The following ALCAM variants were observed in gnomAD, a reference collection of about 807,000 sequenced individuals.
ALCAM encodes the protein activated leukocyte cell adhesion molecule, also known as CD166 antigen.
A neutral mutation model predicts 70.9 loss-of-function variants in ALCAM; 30 were observed. The ratio of observed to expected loss-of-function variants is 0.42; its 90% CI spans 0.32 to 0.57. ALCAM has a LOEUF of 0.57. Among genes scored for constraint, ALCAM ranks in the 20% least tolerant of loss-of-function variants. The pLI is 0.11. For missense variants in ALCAM, 591 were observed against 695.1 expected, an observed-to-expected ratio of 0.85 and a Z score of 1.68; for synonymous variants, 249 against 242.5, an observed-to-expected ratio of 1.03 and a Z score of -0.25.
chr3:105,521,471 G>A (rs1010151922), intron 2 of ALCAM, among the ~76,000 whole-genome samples: 1 of 152,118 alleles, frequency 6.6e-6, no homozygotes, highest in Non-Finnish European at 1.5e-5. Flanking sequence ...CAAACATTCT[G>A]CAGAACACAC....
chr3:105,453,586 A>G (rs777519493), intron 1 of ALCAM, among the ~76,000 whole-genome samples: 1 of 152,152 alleles, frequency 6.6e-6, no homozygotes, highest in Non-Finnish European at 1.5e-5. Context: ...GAAATTTAAA[A>G]TAGTTTTTTC....
chr3:105,377,687 G>A lies in ALCAM; in HGVS notation c.73+10206G>A, dbSNP rs1057028327. ...ATGGGAAAAGACAGGTATTTACCAT[G>A]AATTTTTATTATTGTTCTTTCTACA... is the stretch of plus-strand genomic sequence containing the variant. On this transcript the variant is annotated intron_variant, in intron 1 of 15. Transcript: ENST00000306107. Among the ~76,000 whole-genome samples, 9 of 152,098 alleles carry A rather than the reference G, an allele frequency of 5.9e-5. No homozygotes were observed. In the East Asian group the frequency reaches 1.5e-3, roughly 26 times the overall value.
chr3:105,397,395 C>G (rs896235572), intron 1 of ALCAM, among the ~76,000 whole-genome samples: 1 of 152,038 alleles, frequency 6.6e-6, no homozygotes, highest in South Asian at 2.1e-4. Flanking sequence ...TATGTAAGTA[C>G]ATTATGTTAT....
chr3:105,569,131 C>T (rs929459841), intron 14 of ALCAM, among the ~76,000 whole-genome samples: 4 of 151,764 alleles, frequency 2.6e-5, no homozygotes, highest in African/African-American at 9.7e-5. Context: ...TTATGTATCA[C>T]TCTCTAGTTG....
In ALCAM at chr3:105,547,415, G is replaced by C. The variant is rs1291644156; in HGVS notation, c.1266G>C (p.Lys422Asn). Residue 422 changes from lysine (K) to asparagine (N), a missense_variant, in exon 11 of 16, where the codon AAG becomes AAC. Coordinates refer to ENST00000306107, the MANE Select transcript of ALCAM (RefSeq NM_001627.4). Reference protein sequence around the residue: ...VEGKPQIKMTKKTDPSGLSKT... With the variant: ...VEGKPQIKMTNKTDPSGLSKT... ...GCAAACCTCAAATAAAAATGACAAAGAAAACTGATCCCAGTGGACTATCTA... is the reference window on the plus strand; with the variant it reads ...GCAAACCTCAAATAAAAATGACAAACAAAACTGATCCCAGTGGACTATCTA... 1 of 1,606,876 alleles carries C rather than the reference G, an allele frequency of 6.2e-7. No individual in the cohort carries two copies. The highest frequency in any genetic ancestry group is 8.5e-7 in the Non-Finnish European group (1 of 1,176,718).
chr3:105,507,723 T>G (rs1939121145), intron 1 of ALCAM, among the ~76,000 whole-genome samples: 1 of 152,370 alleles, frequency 6.6e-6, no homozygotes, highest in East Asian at 1.9e-4. Context: ...GTATAAACAT[T>G]CTTGTTCAGG....
intron 1 of ALCAM, among the ~76,000 whole-genome samples, chr3:105,391,501 G>A (rs900113569): frequency 3.9e-4 from 60 of 151,936 alleles, no homozygotes; most frequent in Non-Finnish European, 7.4e-5. Flanking sequence ...AGATGATGGA[G>A]TTTTCTAGAT....
At position 105,441,445 on chromosome 3, in the gene ALCAM, T is replaced by C. The variant is rs1937168099; in HGVS notation, c.73+73964T>C. Among the ~76,000 whole-genome samples, 2 of 152,228 alleles carry C rather than the reference T, an allele frequency of 1.3e-5. 1 individual carries two copies. Among genetic ancestry groups the C allele is most frequent in the South Asian group, 4.1e-4 (2 of 4,834 alleles). ...GAACATTGCCACCTTATTCATTATG[T>C]ATAGCTCATTAGTTCCCTTGTCAAC... On this transcript the variant is annotated intron_variant, in intron 1 of 15. Transcript: ENST00000306107.
chr3:105,406,345 C>T (rs971508253), intron 1 of ALCAM, among the ~76,000 whole-genome samples: 32 of 152,082 alleles, frequency 2.1e-4, no homozygotes, highest in Admixed American at 2.0e-3. Context: ...AGAATTCCTT[C>T]GTTATTTTGT....
chr3:105,556,324 A>G (rs1243371999), intron 14 of ALCAM, among the ~76,000 whole-genome samples: 1 of 152,068 alleles, frequency 6.6e-6, no homozygotes, highest in Non-Finnish European at 1.5e-5. Flanking sequence ...CATAATTCCT[A>G]TAACTAAACT....
At chr3:105,495,440 CAA>C (rs71111363) in intron 1 of ALCAM, among the ~76,000 whole-genome samples, 1 of 136,694 alleles carries the variant, frequency 7.3e-6, no homozygotes, top group East Asian at 2.0e-4. Flanking sequence ...CACAAAGGGA[CAA>C]AAAAAAAACA....
chr3:105,397,034 A>G lies in ALCAM; in HGVS notation c.73+29553A>G, dbSNP rs547814627. 3.3e-5 allele frequency among the ~76,000 whole-genome samples: 5 copies of G among 152,194 alleles called. No individual in the cohort carries two copies. The South Asian group carries it at 1.0e-3, about 32-fold the overall frequency. ...GAGGCTATATCAATTGGTGTGCTAC[A>G]GTTAAAATGTATTACTTTGCCTATT... On this transcript the variant is annotated intron_variant, in intron 1 of 15. Transcript: ENST00000306107.
intron 1 of ALCAM, among the ~76,000 whole-genome samples, chr3:105,389,385 T>TTG (rs1553718645): frequency 1.5e-5 from 2 of 136,202 alleles, no homozygotes; most frequent in East Asian, 2.3e-4. Flanking sequence ...TTTTTTTTTT[T>TTG]TTTTTTTTTT....
intron 1 of ALCAM, among the ~76,000 whole-genome samples, chr3:105,434,575 A>T (rs907849780): frequency 4.6e-5 from 7 of 152,006 alleles, no homozygotes; most frequent in African/African-American, 1.7e-4. Flanking sequence ...TGTATTCTAC[A>T]TTGGCCTTTT....
intron 1 of ALCAM, among the ~76,000 whole-genome samples, chr3:105,375,491 A>C (rs1425718909): frequency 6.6e-6 from 1 of 152,210 alleles, no homozygotes; most frequent in Non-Finnish European, 1.5e-5. Flanking sequence ...ATAAGAAAGA[A>C]AGATGTGAGG....
intron 1 of ALCAM, among the ~76,000 whole-genome samples, chr3:105,428,633 G>T (rs1214998201): frequency 1.3e-5 from 2 of 151,854 alleles, no homozygotes; most frequent in Non-Finnish European, 2.9e-5. Flanking sequence ...CTTTCAAAAG[G>T]TAATTCAAGA....
intron 1 of ALCAM, among the ~76,000 whole-genome samples, chr3:105,482,694 T>C (rs1938306694): frequency 1.3e-5 from 2 of 152,144 alleles, no homozygotes; most frequent in Non-Finnish European, 2.9e-5. Flanking sequence ...TTATTCAGCC[T>C]ATACTTTATA....
intron 1 of ALCAM, among the ~76,000 whole-genome samples, chr3:105,463,690 G>A (rs1057200091): frequency 3.3e-5 from 5 of 151,316 alleles, no homozygotes; most frequent in Admixed American, 6.6e-5. Flanking sequence ...GTCGACTTTT[G>A]GAGGTAACAC....
rs1487891281 is a variant in ALCAM at position 105,575,044 on chromosome 3, T to C, written c.*593T>C. 6.6e-6 allele frequency: 1 copy of C among 152,424 alleles called. No individual in the cohort carries two copies. The highest frequency in any genetic ancestry group is 1.5e-5 in the Non-Finnish European group (1 of 68,014). 9.4% of individuals were successfully genotyped at this position (152,424 alleles called of 1,614,324 possible). On this transcript the variant is annotated 3_prime_UTR_variant, in exon 16 of 16. Coordinates refer to ENST00000306107, the MANE Select transcript of ALCAM (RefSeq NM_001627.4). ...CCGAGAGTCAGACTGATAGACACCA[T>C]AGGAGCCGACTCTTTGATATGCCAC... is the stretch of plus-strand genomic sequence containing the variant.
Sources: allele counts gnomAD v4.1 joint callset (sites outside exome capture counted in the v4.1 genomes callset), GRCh38; gene constraint gnomAD v4.1.1; transcripts MANE v1.5; gene names NCBI Gene and HGNC (gene_info 2026-07-23, HGNC 2026-07-21).